POLN: variants seen among roughly 807,000 people sequenced by gnomAD.
The protein encoded by POLN is DNA polymerase N.
A neutral mutation model predicts 113.5 loss-of-function variants in POLN; 108 were observed. The ratio of observed to expected loss-of-function variants is 0.95; its 90% CI spans 0.81 to 1.12. The LOEUF is 1.12. POLN is among the 50% of genes most tolerant of loss of function. The pLI is 0.00. For synonymous variants in POLN, 386 were observed against 391.5 expected, an observed-to-expected ratio of 0.99 and a Z score of 0.17; for missense variants, 1,097 against 1,077.1, an observed-to-expected ratio of 1.02 and a Z score of -0.26.
intron 6 of POLN, among the ~76,000 whole-genome samples, chr4:2,194,522 G>A (rs546650465): frequency 1.3e-5 from 2 of 152,230 alleles, no homozygotes; most frequent in African/African-American, 4.8e-5. Context: ...TGGCTGGACC[G>A]GTGAGGAGGG....
chr4:2,081,523 G>A, intron 22 of POLN, 110 bp downstream of exon 22: 1 of 1,049,264 alleles, frequency 9.5e-7, no homozygotes, highest in East Asian at 2.6e-5. Context: ...GGAGGTTTGT[G>A]ATGAGCAGGA....
chr4:2,223,317 A>G (rs1734306127), intron 3 of POLN, among the ~76,000 whole-genome samples: 1 of 152,184 alleles, frequency 6.6e-6, no homozygotes. Context: ...CAGCAGGAGG[A>G]GAGCAGCAGG....
intron 20 of POLN, chr4:2,090,035 G>A (rs1730630028): frequency 7.9e-6 from 7 of 882,950 alleles, no homozygotes; most frequent in Non-Finnish European, 1.3e-5. Context: ...CAGTGACTTG[G>A]AACTGAAGAA....
intron 16 of POLN, among the ~76,000 whole-genome samples, chr4:2,132,684 T>C (rs1000257305): frequency 6.6e-6 from 1 of 152,160 alleles, no homozygotes; most frequent in Non-Finnish European, 1.5e-5. Context: ...CAGAAGACAA[T>C]GGAGCCACAA....
Position 2,075,482 on chromosome 4 carries a change from C to A in POLN, c.2425G>T (p.Val809Leu). ...AQIHDELLFE[V>L]EDPQIPECAA... is the part of the protein sequence containing the mutation. ...CACTCCGGGATCTGCGGATCTTCCACTTCAAACAGCAGCTCATCATGGATC... is the reference window on the plus strand; with the variant it reads ...CACTCCGGGATCTGCGGATCTTCCAATTCAAACAGCAGCTCATCATGGATC... Residue 809 changes from valine (V) to leucine (L), a missense_variant, in exon 24 of 26, where the codon GTG becomes TTG. Val to Leu is a conservative substitution (Grantham distance 32). Transcript: ENST00000511885. 6.8e-6 allele frequency: 11 copies of A among 1,613,580 alleles called. No homozygotes were observed. The highest frequency in any genetic ancestry group is 1.1e-5 in the South Asian group (1 of 91,088).
intron 16 of POLN, among the ~76,000 whole-genome samples, chr4:2,143,046 T>C (rs1481237746): frequency 6.6e-6 from 1 of 152,016 alleles, no homozygotes; most frequent in African/African-American, 2.4e-5. Flanking sequence ...GGACAAACTA[T>C]AACATGTCAA....
At chr4:2,197,389 T>C (rs1191934646) in intron 6 of POLN, among the ~76,000 whole-genome samples, 2 of 152,100 alleles carry the variant, frequency 1.3e-5, no homozygotes, top group Admixed American at 1.3e-4. Flanking sequence ...GAGAGCTTGA[T>C]ATGGTTTGTG....
intron 8 of POLN, 93 bp downstream of exon 8, chr4:2,179,215 C>G: frequency 7.4e-6 from 9 of 1,220,306 alleles, no homozygotes. Context: ...TGACAATGTT[C>G]TTTTTACTAT....
At position 2,128,117 on chromosome 4, in the gene POLN, G is replaced by A. The variant is rs139077950; in HGVS notation, c.1978C>T (p.Gln660Ter). ...RDDVFSTLTS[Q>*]WKDVPVEQVT... Reference sequence around the variant, plus strand: ...TTGTGAGTTCATATATCTTACCACTGTGAAGTCAGAGTAGAAAATACATCA... The same window carrying A: ...TTGTGAGTTCATATATCTTACCACTATGAAGTCAGAGTAGAAAATACATCA... Residue 660 changes from glutamine (Q) to a stop codon, truncating the protein, a stop_gained, in exon 19 of 26, where the codon CAG (glutamine) becomes TAG (stop). Transcript: ENST00000511885. LOFTEE classifies it high-confidence loss of function. 6 of 1,577,530 alleles carry A rather than the reference G, an allele frequency of 3.8e-6. No homozygotes were observed. The highest frequency in any genetic ancestry group is 5.2e-6 in the Non-Finnish European group (6 of 1,147,124).
chr4:2,240,437 A>G, intron 2 of POLN: 1 of 1,613,908 alleles, frequency 6.2e-7, no homozygotes, highest in Non-Finnish European at 8.5e-7. Flanking sequence ...TAACTTCATC[A>G]GTAAGAGCCT....
Position 2,208,101 on chromosome 4 carries a change from A to G in POLN, c.600T>C (p.Ile200=), listed in dbSNP as rs774514369. Residue 200 remains isoleucine (I), a synonymous_variant, in exon 5 of 26, where the codon ATT becomes ATC. Transcript: ENST00000511885. The part of the protein sequence containing the change: ...SGALKKHFCD[I]RHLDDWAKSQ... Reference sequence around the variant, plus strand: ...TTTTTGCCCAATCATCCAAATGCCTAATATCACAAAAATGTTTTTTCAATG... The same window carrying G: ...TTTTTGCCCAATCATCCAAATGCCTGATATCACAAAAATGTTTTTTCAATG... 11 of 1,614,182 alleles carry G rather than the reference A, an allele frequency of 6.8e-6. No homozygotes were observed. Among genetic ancestry groups the G allele is most frequent in the Non-Finnish European group, 8.5e-6 (10 of 1,180,034 alleles).
At chr4:2,138,940 C>CT (rs112436211) in intron 16 of POLN, among the ~76,000 whole-genome samples, 81 of 144,330 alleles carry the variant, frequency 5.6e-4, no homozygotes, top group Admixed American at 2.1e-3. Context: ...ATCACTGTGC[C>CT]TTTTTTTTTT....
chr4:2,146,391 C>T (rs969336694), intron 16 of POLN, among the ~76,000 whole-genome samples: 7 of 152,180 alleles, frequency 4.6e-5, no homozygotes, highest in Admixed American at 6.5e-5. Context: ...ACCTGTAATC[C>T]CAGCTACTTG....
intron 2 of POLN, chr4:2,229,883 C>T (rs1734519528): frequency 6.6e-6 from 1 of 152,074 alleles, no homozygotes; most frequent in Non-Finnish European, 1.5e-5. Context: ...CCTAGTAACA[C>T]AACGATTATA....
In POLN at chr4:2,073,160, G is replaced by C. The variant is rs1730193495; in HGVS notation, c.2456-131C>G. ...CCCCCTTGTTTCCTGTGTCCACTCG[G>C]TCACCTGAACCAGCTGTGGGACCTT... is the stretch of plus-strand genomic sequence containing the variant. On this transcript the variant is annotated intron_variant, in intron 24 of 25. Coordinates refer to ENST00000511885, the MANE Select transcript of POLN (RefSeq NM_181808.4). 7.4e-6 allele frequency: 6 copies of C among 813,470 alleles called. No homozygotes were observed. In the East Asian group the frequency reaches 1.6e-4, roughly 22 times the overall value. 50.4% of individuals were successfully genotyped at this position (813,470 alleles called of 1,614,324 possible).
At chr4:2,090,141 A>G in intron 20 of POLN, 1 of 1,029,256 alleles carries the variant, frequency 9.7e-7, no homozygotes, top group African/African-American at 1.6e-5. Flanking sequence ...AAGAACTTTG[A>G]ACATTATCAG....
intron 16 of POLN, among the ~76,000 whole-genome samples, chr4:2,142,909 C>A (rs1041937538): frequency 6.6e-6 from 1 of 151,542 alleles, no homozygotes; most frequent in South Asian, 2.1e-4. Flanking sequence ...ACCCTCACCC[C>A]CTCTGTTGGT....
chr4:2,239,186 T>G, intron 2 of POLN: 1 of 515,714 alleles, frequency 1.9e-6, no homozygotes, highest in Non-Finnish European at 3.3e-6. Context: ...AAACAAAAAT[T>G]ACAGTTTAAA....
intron 7 of POLN, among the ~76,000 whole-genome samples, chr4:2,186,221 C>T (rs936547659): frequency 2.6e-5 from 4 of 152,156 alleles, no homozygotes; most frequent in African/African-American, 7.2e-5. Flanking sequence ...ATCTTGGGCC[C>T]CCTGGCAGGA....
Sources: allele counts gnomAD v4.1 joint callset (sites outside exome capture counted in the v4.1 genomes callset), GRCh38; gene constraint gnomAD v4.1.1; transcripts MANE v1.5; gene names NCBI Gene and HGNC (gene_info 2026-07-23, HGNC 2026-07-21).